The following WLS variants were observed in gnomAD, a reference collection of about 807,000 sequenced individuals.
The protein encoded by WLS is Wnt ligand secretion mediator.
Under a neutral mutation model 62.8 loss-of-function variants are expected in WLS, and 23 were observed. The observed-to-expected ratio is 0.37, with a 90% CI of 0.26 to 0.52. The LOEUF is 0.52. Among genes scored for constraint, WLS ranks in the 20% least tolerant of loss-of-function variants. WLS has a pLI of 0.92. For missense variants in WLS, 615 were observed against 697.3 expected, an observed-to-expected ratio of 0.88 and a Z score of 1.33; for synonymous variants, 246 against 244.1, an observed-to-expected ratio of 1.01 and a Z score of -0.07.
intron 11 of WLS, among the ~76,000 whole-genome samples, chr1:68,130,022 C>A (rs1432639225): frequency 6.6e-6 from 1 of 152,130 alleles, no homozygotes; most frequent in Admixed American, 6.5e-5. Flanking sequence ...AGATTTCATC[C>A]CAAAGGACTA....
intron 11 of WLS, among the ~76,000 whole-genome samples, chr1:68,127,671 T>C (rs1160353858): frequency 6.6e-6 from 1 of 152,190 alleles, no homozygotes; most frequent in African/African-American, 2.4e-5. Flanking sequence ...TGTGCACATA[T>C]CATATGATAA....
chr1:68,125,661 A>C lies in WLS; in HGVS notation c.*565T>G. 1 of 985,582 alleles carries C rather than the reference A, an allele frequency of 1.0e-6. No individual in the cohort carries two copies. The allele number at this position is 985,582 out of a possible 1,614,324, so 61.1% of individuals were successfully genotyped here. Reference sequence around the variant, plus strand: ...TGGAATAAATCTTCTCATGAAATTCAGTTATATTATGCCACAAAACAGGGA... The same window carrying C: ...TGGAATAAATCTTCTCATGAAATTCCGTTATATTATGCCACAAAACAGGGA... On this transcript the variant is annotated 3_prime_UTR_variant, in exon 12 of 12. Coordinates refer to ENST00000262348, the MANE Select transcript of WLS (RefSeq NM_024911.7).
intron 2 of WLS, among the ~76,000 whole-genome samples, chr1:68,169,464 C>G (rs1647114034): frequency 6.6e-6 from 1 of 152,158 alleles, no homozygotes; most frequent in African/African-American, 2.4e-5. Context: ...ACACGTTCAC[C>G]CTGAAGGATT....
At chr1:68,122,872 C>T (rs190056645), downstream of WLS, among the ~76,000 whole-genome samples, 1 of 152,328 alleles carries the variant, frequency 6.6e-6, no homozygotes, top group East Asian at 1.9e-4. Flanking sequence ...CATACTGCAA[C>T]CCCTCTCCTC....
At chr1:68,152,344 T>C (rs1219258391) in intron 5 of WLS, among the ~76,000 whole-genome samples, 1 of 152,130 alleles carries the variant, frequency 6.6e-6, no homozygotes, top group East Asian at 1.9e-4. Flanking sequence ...TCAACCCCCC[T>C]AGGGAAAGCA....
intron 1 of WLS, among the ~76,000 whole-genome samples, chr1:68,212,494 T>C (rs185295958): frequency 9.7e-4 from 147 of 152,290 alleles, no homozygotes; most frequent in South Asian, 5.2e-3. Context: ...TCTAGACCTT[T>C]AAACATAAAA....
At chr1:68,128,263 A>G (rs910372849) in intron 11 of WLS, among the ~76,000 whole-genome samples, 1 of 152,220 alleles carries the variant, frequency 6.6e-6, no homozygotes, top group Non-Finnish European at 1.5e-5. Context: ...CCACTTGTAC[A>G]GTGAGCAACT....
chr1:68,118,719 C>CA (rs942853103), intron 11 of WLS, among the ~76,000 whole-genome samples: 11 of 151,182 alleles, frequency 7.3e-5, no homozygotes, highest in Non-Finnish European at 1.5e-4. Context: ...ACTAAAAATA[C>CA]AAAAAATTAG....
At chr1:68,162,632 G>C (rs910558212) in intron 2 of WLS, 4 of 1,264,728 alleles carry the variant, frequency 3.2e-6, no homozygotes, top group Non-Finnish European at 4.6e-6. Flanking sequence ...CGCAGTGCTT[G>C]GTACAGCCAT....
At chr1:68,114,705 T>C (rs6690844) in intron 11 of WLS, among the ~76,000 whole-genome samples, 73,973 of 152,072 alleles carry the variant, frequency 0.49, 18,253 homozygotes, top group Middle Eastern at 0.55. Context: ...AGCCAGCCCC[T>C]GAAGGCTGAG....
In WLS at chr1:68,159,112, AG is replaced by A; in HGVS notation, c.504+10del. The A allele has an allele frequency of 6.2e-7, 1 of 1,613,390 alleles. No individual in the cohort carries two copies. The highest frequency in any genetic ancestry group is 1.1e-5 in the South Asian group (1 of 90,844). ...ATAAAAACTGTCAGCTTAGACAGCA[AG>A]GGGTCATACCTTGGGAGATGTGAAG... On this transcript the variant is annotated intron_variant, in intron 3 of 11. Transcript: ENST00000262348.
chr1:68,157,362 T>C (rs1175955064), intron 3 of WLS, among the ~76,000 whole-genome samples: 1 of 152,220 alleles, frequency 6.6e-6, no homozygotes, highest in Non-Finnish European at 1.5e-5. Flanking sequence ...AAGAGACACA[T>C]TGGCATCTGG....
At chr1:68,106,697 C>G (rs970244085) in intron 11 of WLS, among the ~76,000 whole-genome samples, 1 of 150,596 alleles carries the variant, frequency 6.6e-6, no homozygotes, top group Non-Finnish European at 1.5e-5. Flanking sequence ...CCTGGAAACG[C>G]GTGTGCATGT....
intron 1 of WLS, chr1:68,231,610 T>C (rs1180746937): frequency 9.2e-6 from 3 of 325,520 alleles, no homozygotes; most frequent in Non-Finnish European, 1.8e-5. Context: ...GAGCGTGGGG[T>C]GGAGTGCGGC....
chr1:68,210,712 G>A (rs550533341), intron 1 of WLS, among the ~76,000 whole-genome samples: 1 of 152,178 alleles, frequency 6.6e-6, no homozygotes, highest in South Asian at 2.1e-4. Flanking sequence ...CAGACAAATG[G>A]AAGGTCCACT....
intron 1 of WLS, among the ~76,000 whole-genome samples, chr1:68,228,425 T>G (rs1489824668): frequency 2.6e-5 from 4 of 152,150 alleles, no homozygotes; most frequent in Non-Finnish European, 5.9e-5. Context: ...TCATGATTTT[T>G]AGTCTGCACT....
chr1:68,169,410 A>G (rs1002128835), intron 2 of WLS, among the ~76,000 whole-genome samples: 1 of 152,162 alleles, frequency 6.6e-6, no homozygotes, highest in Non-Finnish European at 1.5e-5. Context: ...AACCATATCT[A>G]TTGTTCACCA....
At chr1:68,111,776 T>C (rs1387317173) in intron 11 of WLS, among the ~76,000 whole-genome samples, 1 of 152,182 alleles carries the variant, frequency 6.6e-6, no homozygotes, top group Non-Finnish European at 1.5e-5. Context: ...CTTTAGGATC[T>C]TTAGGGCTGC....
At chr1:68,171,782 A>G (rs1314422464) in intron 2 of WLS, among the ~76,000 whole-genome samples, 2 of 152,218 alleles carry the variant, frequency 1.3e-5, no homozygotes, top group Non-Finnish European at 2.9e-5. Flanking sequence ...AGAACCAGAA[A>G]TACCATTTGA....
Sources: allele counts gnomAD v4.1 joint callset (sites outside exome capture counted in the v4.1 genomes callset), GRCh38; gene constraint gnomAD v4.1.1; transcripts MANE v1.5; gene names NCBI Gene and HGNC (gene_info 2026-07-23, HGNC 2026-07-21).